The following ZNF131 variants were observed in gnomAD, a reference collection of about 807,000 sequenced individuals.
The protein encoded by ZNF131 is zinc finger and BTB domain containing 35.
ZNF131 carries 7 observed loss-of-function variants against 60.0 expected under a neutral mutation model. That is an observed-to-expected ratio of 0.12 (90% confidence interval 0.07 to 0.22). The LOEUF (loss-of-function observed/expected upper bound fraction) is 0.22. Among genes scored for constraint, ZNF131 ranks in the 10% least tolerant of loss-of-function variants. The pLI, the probability that ZNF131 is intolerant of heterozygous loss-of-function variation, is 1.00. For synonymous variants in ZNF131, 257 were observed against 253.2 expected (o/e 1.01, Z -0.14); for missense variants, 493 against 740.9 (o/e 0.67, Z 3.88).
Position 43,122,077 on chromosome 5 carries a change from A to G in ZNF131, c.24A>G (p.Glu8=), listed in dbSNP as rs745498385. 4.3e-6 allele frequency: 7 copies of G among 1,613,922 alleles called. No homozygotes were observed. In the African/African-American group the frequency reaches 6.7e-5, roughly 15 times the overall value. Reference sequence around the variant, plus strand: ...CCATGGAGGCTGAAGAGACGATGGAATGCCTTCAGGAGTTCCCTGAACATC... The same window carrying G: ...CCATGGAGGCTGAAGAGACGATGGAGTGCCTTCAGGAGTTCCCTGAACATC... MEAEETM[E]CLQEFPEHHK... is the part of the protein sequence containing the mutation. The change falls in exon 2 of 7, where the codon GAA becomes GAG. Residue 8 remains glutamate (E), a synonymous_variant. Transcript: ENST00000682664.
At chr5:43,127,789 A>G (rs1333476960) in intron 3 of ZNF131, among the ~76,000 whole-genome samples, 1 of 152,170 alleles carries the variant, frequency 6.6e-6, no homozygotes, top group Non-Finnish European at 1.5e-5. Flanking sequence ...ACACCATATA[A>G]AATCTTCAAC....
intron 4 of ZNF131, among the ~76,000 whole-genome samples, chr5:43,143,764 C>T (rs1039924077): frequency 1.4e-4 from 21 of 152,082 alleles, no homozygotes; most frequent in African/African-American, 4.6e-4. Context: ...TTTACAACTG[C>T]TTTAGCCTTT....
chr5:43,123,314 A>G lies in ZNF131; in HGVS notation c.226+4A>G, dbSNP rs755531687. 10 of 1,586,114 alleles carry G rather than the reference A, an allele frequency of 6.3e-6. No homozygotes were observed. The highest frequency in any genetic ancestry group is 8.5e-6 in the Non-Finnish European group (10 of 1,170,824). ...GAACCATTGGTGGAGATAGAAGGTA[A>G]ATGATTCTTGTTGTTTTTTTATTTA... On this transcript the variant is annotated splice_donor_region_variant and intron_variant, in intron 3 of 6. Coordinates refer to ENST00000682664, the MANE Select transcript of ZNF131 (RefSeq NM_001330707.2).
In ZNF131 at chr5:43,175,368, C is replaced by G; in HGVS notation, c.*235C>G. On this transcript the variant is annotated 3_prime_UTR_variant, in exon 7 of 7. Coordinates refer to ENST00000682664, the MANE Select transcript of ZNF131 (RefSeq NM_001330707.2). ...GTTTTGAGAAGTATATTTCTGGAAA[C>G]TTAAATGGATTATATTCTTATTATA... 4.4e-6 allele frequency: 3 copies of G among 678,624 alleles called. No homozygotes were observed. Among genetic ancestry groups the G allele is most frequent in the Non-Finnish European group, 7.9e-6 (3 of 381,320 alleles). 42.0% of individuals were successfully genotyped at this position (678,624 alleles called of 1,614,324 possible). A position where few individuals can be genotyped will look rare whatever the true frequency, so the allele number is the denominator to read the frequency against.
At chr5:43,129,901 C>G (rs910424734) in intron 3 of ZNF131, among the ~76,000 whole-genome samples, 9 of 151,984 alleles carry the variant, frequency 5.9e-5, no homozygotes, top group African/African-American at 9.7e-5. Context: ...CGTGATCTGC[C>G]TGCCTCGGCC....
At chr5:43,137,002 T>G (rs956671062) in intron 3 of ZNF131, among the ~76,000 whole-genome samples, 1 of 152,066 alleles carries the variant, frequency 6.6e-6, no homozygotes, top group African/African-American at 2.4e-5. Context: ...AAGAACTAGG[T>G]ATTCACATGA....
intron 4 of ZNF131, among the ~76,000 whole-genome samples, chr5:43,152,671 A>G (rs555165042): frequency 3.9e-5 from 6 of 152,228 alleles, no homozygotes; most frequent in Admixed American, 1.3e-4. Flanking sequence ...CAGTGGTGCA[A>G]TCACAGCTCA....
chr5:43,133,315 A>G (rs559669738), intron 3 of ZNF131, among the ~76,000 whole-genome samples: 1 of 152,222 alleles, frequency 6.6e-6, no homozygotes, highest in Admixed American at 6.5e-5. Flanking sequence ...AATACAAAAA[A>G]TTAGCCAGGC....
chr5:43,173,756 A>C (rs1040852477), intron 6 of ZNF131, among the ~76,000 whole-genome samples: 3 of 147,518 alleles, frequency 2.0e-5, no homozygotes, highest in African/African-American at 7.4e-5. Flanking sequence ...TTCCCCCCCC[A>C]TGATTAGTGT....
At chr5:43,162,045 T>A in intron 5 of ZNF131, 114 bp downstream of exon 5, 2 of 990,776 alleles carry the variant, frequency 2.0e-6, no homozygotes, top group Non-Finnish European at 2.9e-6. Flanking sequence ...GTATTATCTC[T>A]AATGTGTAGG....
chr5:43,142,993 G>T lies in ZNF131; in HGVS notation c.371+3684G>T, dbSNP rs923408038. 4.0e-4 allele frequency among the ~76,000 whole-genome samples: 61 copies of T among 151,362 alleles called. 1 individual carries two copies. ...TTGCAGGCATAAGCCACCATACTTG[G>T]CCAGACATGGTTTCTTTTTTTAATC... is the stretch of plus-strand genomic sequence containing the variant. On this transcript the variant is annotated intron_variant, in intron 4 of 6. Transcript: ENST00000682664.
chr5:43,165,886 G>A (rs1750288083), intron 5 of ZNF131, among the ~76,000 whole-genome samples: 1 of 152,234 alleles, frequency 6.6e-6, no homozygotes, highest in Non-Finnish European at 1.5e-5. Flanking sequence ...GTTGAGTGTA[G>A]CCACCTTCAT....
chr5:43,167,007 A>G (rs1471678167), intron 5 of ZNF131, among the ~76,000 whole-genome samples: 3 of 152,138 alleles, frequency 2.0e-5, no homozygotes, highest in Non-Finnish European at 4.4e-5. Context: ...TAAGGTTATT[A>G]ATTGATCTGA....
intron 4 of ZNF131, among the ~76,000 whole-genome samples, chr5:43,151,717 G>A (rs184919055): frequency 2.6e-5 from 4 of 152,200 alleles, no homozygotes; most frequent in African/African-American, 4.8e-5. Flanking sequence ...TTACAGGGAC[G>A]AGCCACCGCG....
At chr5:43,142,095 A>G (rs1327473253) in intron 4 of ZNF131, among the ~76,000 whole-genome samples, 1 of 151,744 alleles carries the variant, frequency 6.6e-6, no homozygotes, top group Non-Finnish European at 1.5e-5. Flanking sequence ...TAATCCCAGC[A>G]CTTTGGAAGG....
intron 4 of ZNF131, among the ~76,000 whole-genome samples, chr5:43,144,743 C>T (rs1189592755): frequency 6.6e-6 from 1 of 152,026 alleles, no homozygotes; most frequent in Non-Finnish European, 1.5e-5. Flanking sequence ...ATATTTTATC[C>T]TGTCTTAGAT....
chr5:43,141,253 T>C (rs1463928663), intron 4 of ZNF131, among the ~76,000 whole-genome samples: 1 of 152,170 alleles, frequency 6.6e-6, no homozygotes, highest in Non-Finnish European at 1.5e-5. Flanking sequence ...TCAGTACTCT[T>C]GCAGAGAGAC....
intron 5 of ZNF131, among the ~76,000 whole-genome samples, chr5:43,165,012 G>A (rs757743025): frequency 7.2e-5 from 11 of 152,084 alleles, no homozygotes; most frequent in South Asian, 2.1e-4. Context: ...GTACAGTGGC[G>A]CGATCATGGC....
Position 43,157,685 on chromosome 5 carries a change from C to A in ZNF131, c.372-3564C>A, listed in dbSNP as rs140101513. Among the ~76,000 whole-genome samples, 701 of 152,272 alleles carry A rather than the reference C, an allele frequency of 4.6e-3. 4 individuals are homozygous for A. Among genetic ancestry groups the A allele is most frequent in the African/African-American group, 0.016 (681 of 41,568 alleles). ...GTACCATAAACTGGATGGCTTTAAA[C>A]AAGAGAAATGTGTTGTTTCTCAGTT... is the stretch of plus-strand genomic sequence containing the variant. On this transcript the variant is annotated intron_variant, in intron 4 of 6. Coordinates refer to ENST00000682664, the MANE Select transcript of ZNF131 (RefSeq NM_001330707.2).
Sources: gnomAD v4.1 joint callset for allele counts (sites outside exome capture counted in the v4.1 genomes callset) on GRCh38, gnomAD v4.1.1 for gene constraint, MANE v1.5 for transcripts, NCBI Gene and HGNC (gene_info 2026-07-23, HGNC 2026-07-21) for gene names.